Variants in ARFGEF1 observed in about 807,000 individuals in gnomAD.
ARFGEF1 encodes the protein ARF guanine nucleotide exchange factor 1, also known as brefeldin A-inhibited guanine nucleotide-exchange protein 1.
A neutral mutation model predicts 231.0 loss-of-function variants in ARFGEF1; 42 were observed. The ratio of observed to expected loss-of-function variants is 0.18; its 90% CI spans 0.14 to 0.24. The LOEUF (loss-of-function observed/expected upper bound fraction) is 0.24. Among genes scored for constraint, ARFGEF1 ranks in the 10% least tolerant of loss-of-function variants. The pLI, the probability that ARFGEF1 is intolerant of heterozygous loss-of-function variation, is 1.00. For synonymous variants in ARFGEF1, 710 were observed against 732.3 expected (o/e 0.97, Z 0.49); for missense variants, 1,345 against 2,192.0 (o/e 0.61, Z 7.72).
At chr8:67,339,796 G>GGGGGGGGGGGGGGGGGA (rs1808529674) in intron 1 of ARFGEF1, among the ~76,000 whole-genome samples, 1 of 14,640 alleles carries the variant, frequency 6.8e-5, no homozygotes, top group African/African-American at 2.3e-4. Flanking sequence ...AGTGTGGGGC[G>GGGGGGGGGGGGGGGGGA]GGGGGGGGGA....
intron 17 of ARFGEF1, among the ~76,000 whole-genome samples, chr8:67,257,100 C>T (rs770986805): frequency 7.3e-5 from 11 of 151,260 alleles, no homozygotes; most frequent in Non-Finnish European, 1.0e-4. Context: ...TTTTTTGAGA[C>T]GGGGTCTGCC....
At chr8:67,216,937 A>G (rs1415833167) in intron 32 of ARFGEF1, among the ~76,000 whole-genome samples, 3 of 151,792 alleles carry the variant, frequency 2.0e-5, no homozygotes, top group Admixed American at 1.3e-4. Flanking sequence ...AGTTTTAAAG[A>G]TTTCAGACCT....
chr8:67,291,735 G>A, intron 6 of ARFGEF1, 112 bp downstream of exon 6: 14 of 1,381,604 alleles, frequency 1.0e-5, no homozygotes, highest in Non-Finnish European at 1.3e-5. Flanking sequence ...ACCACAATGT[G>A]TCTGACACAC....
At chr8:67,235,951 AC>A (rs1375359000) in intron 22 of ARFGEF1, among the ~76,000 whole-genome samples, 1 of 152,156 alleles carries the variant, frequency 6.6e-6, no homozygotes, top group East Asian at 1.9e-4. Flanking sequence ...TATATACTCA[AC>A]CCGGTCAACT....
chr8:67,235,882 C>T (rs1205785162), intron 22 of ARFGEF1, among the ~76,000 whole-genome samples: 1 of 151,952 alleles, frequency 6.6e-6, no homozygotes, highest in African/African-American at 2.4e-5. Flanking sequence ...CTGAAAGTTT[C>T]GTATTTCCAA....
intron 7 of ARFGEF1, among the ~76,000 whole-genome samples, chr8:67,285,089 T>C (rs1297353159): frequency 4.0e-5 from 6 of 149,092 alleles, no homozygotes; most frequent in Admixed American, 2.0e-4. Context: ...CCCATGGTAT[T>C]ATTTTTAAAG....
intron 23 of ARFGEF1, among the ~76,000 whole-genome samples, chr8:67,229,988 G>A (rs575284466): frequency 2.6e-5 from 4 of 152,060 alleles, no homozygotes; most frequent in African/African-American, 7.2e-5. Context: ...CAACAGGAGA[G>A]AGAACTATCA....
chr8:67,241,723 C>CA (rs1181326477), intron 19 of ARFGEF1, among the ~76,000 whole-genome samples: 6 of 151,758 alleles, frequency 4.0e-5, no homozygotes, highest in South Asian at 2.1e-4. Context: ...TATCTACACA[C>CA]AAAAAAAACA....
chr8:67,300,626 C>G (rs1806436173), intron 3 of ARFGEF1, among the ~76,000 whole-genome samples: 1 of 141,104 alleles, frequency 7.1e-6, no homozygotes, highest in South Asian at 2.2e-4. Flanking sequence ...AGTTCAAGAC[C>G]AGCCTGGCCA....
intron 1 of ARFGEF1, among the ~76,000 whole-genome samples, chr8:67,308,697 T>C (rs1806857200): frequency 6.6e-6 from 1 of 152,218 alleles, no homozygotes; most frequent in Non-Finnish European, 1.5e-5. Flanking sequence ...CACTTATTTA[T>C]AAAGCACTGA....
chr8:67,236,920 C>T (rs1001684394), intron 22 of ARFGEF1, among the ~76,000 whole-genome samples: 5 of 152,078 alleles, frequency 3.3e-5, no homozygotes, highest in African/African-American at 9.7e-5. Context: ...TTCAAGTATA[C>T]CAGTAAATAT....
intron 1 of ARFGEF1, among the ~76,000 whole-genome samples, chr8:67,332,280 T>G (rs763239342): frequency 5.9e-5 from 9 of 152,344 alleles, no homozygotes; most frequent in Non-Finnish European, 1.2e-4. Flanking sequence ...GATTTTGTTC[T>G]TGTATCAATT....
intron 10 of ARFGEF1, among the ~76,000 whole-genome samples, chr8:67,271,022 C>T (rs1339014479): frequency 9.3e-6 from 1 of 107,858 alleles, no homozygotes; most frequent in East Asian, 2.7e-4. Flanking sequence ...GAAACTCCAT[C>T]TCCAAAAAAA....
At chr8:67,307,163 TATATCAATTACC>T (rs1806785357) in intron 1 of ARFGEF1, among the ~76,000 whole-genome samples, 2 of 152,370 alleles carry the variant, frequency 1.3e-5, no homozygotes, top group African/African-American at 4.8e-5. Context: ...TGGGAGTCTA[TATATCAATTACC>T]ATAATGCCGC....
At chr8:67,194,349 G>C (rs1182339458), downstream of ARFGEF1, among the ~76,000 whole-genome samples, 1 of 152,134 alleles carries the variant, frequency 6.6e-6, no homozygotes, top group Non-Finnish European at 1.5e-5. Context: ...CTTTAATACT[G>C]TGTTAATTTA....
chr8:67,337,950 C>T (rs923445897), intron 1 of ARFGEF1, among the ~76,000 whole-genome samples: 3 of 152,158 alleles, frequency 2.0e-5, no homozygotes, highest in African/African-American at 7.2e-5. Context: ...GAAATATATA[C>T]CTAGTTCGGA....
chr8:67,203,486 C>G (rs1838405855), intron 35 of ARFGEF1, among the ~76,000 whole-genome samples: 1 of 152,210 alleles, frequency 6.6e-6, no homozygotes, highest in African/African-American at 2.4e-5. Flanking sequence ...CTGCGTTCCT[C>G]AGCCCCTCAA....
Position 67,236,927 on chromosome 8 carries a change from A to T in ARFGEF1, c.3289+1416T>A, listed in dbSNP as rs535017569. The stretch of plus-strand genomic sequence containing the variant: ...AATTCATTTTCAAGTATACCAGTAA[A>T]TATTATCAGCAAGTATCATTATTTC... On this transcript the variant is annotated intron_variant, in intron 22 of 38. Coordinates refer to ENST00000262215, the MANE Select transcript of ARFGEF1 (RefSeq NM_006421.5). Among the ~76,000 whole-genome samples, 213 of 152,300 alleles carry T rather than the reference A, an allele frequency of 1.4e-3. 1 individual carries two copies. The highest frequency in any genetic ancestry group is 2.1e-3 in the Non-Finnish European group (142 of 68,028).
rs1382491696 is a variant in ARFGEF1, at chr8:67,251,347, T to C, written c.2802A>G (p.Ala934=). The C allele has an allele frequency of 1.2e-6, 2 of 1,612,092 alleles. No individual in the cohort carries two copies. Among genetic ancestry groups the C allele is most frequent in the Non-Finnish European group, 1.7e-6 (2 of 1,178,914 alleles). Residue 934 remains alanine, a synonymous_variant, in exon 19 of 39, where the codon GCA becomes GCG. Coordinates refer to ENST00000262215, the MANE Select transcript of ARFGEF1 (RefSeq NM_006421.5). ...CCAAATGTGTTGCACTTGTAAAGGG[T>C]GCCTGAACATGGCTCACGGCCTCCA... ...ALMEAVSHVQ[A]PFTSATHLEH...
Sources: allele counts gnomAD v4.1 joint callset (sites outside exome capture counted in the v4.1 genomes callset), GRCh38; gene constraint gnomAD v4.1.1; transcripts MANE v1.5; gene names NCBI Gene and HGNC (gene_info 2026-07-23, HGNC 2026-07-21).